Variants in ANKS1B observed in about 807,000 individuals in gnomAD.
The protein encoded by ANKS1B is ankyrin repeat and sterile alpha motif domain-containing protein 1B.
A neutral mutation model predicts 148.3 loss-of-function variants in ANKS1B; 36 were observed. The ratio of observed to expected loss-of-function variants is 0.24; its 90% CI spans 0.19 to 0.32. The LOEUF (loss-of-function observed/expected upper bound fraction) is 0.32, where lower values mean the gene tolerates loss of function less well. ANKS1B is among the 10% of genes least tolerant of loss of function. The pLI, the probability that ANKS1B is intolerant of heterozygous loss-of-function variation, is 1.00. For synonymous variants in ANKS1B, 542 were observed against 560.8 expected (o/e 0.97, Z 0.47); for missense variants, 1,157 against 1,542.6 (o/e 0.75, Z 4.19).
intron 9 of ANKS1B, among the ~76,000 whole-genome samples, chr12:99,545,965 G>A (rs2097169486): frequency 6.6e-6 from 1 of 151,966 alleles, no homozygotes; most frequent in South Asian, 2.1e-4. Flanking sequence ...CTCCTCCGTT[G>A]GAGAAGAACC....
At chr12:99,155,729 G>T (rs186864535) in intron 14 of ANKS1B, among the ~76,000 whole-genome samples, 25 of 152,294 alleles carry the variant, frequency 1.6e-4, no homozygotes, top group African/African-American at 5.8e-4. Context: ...GATTGGGAGA[G>T]AACTTGCAGA....
At chr12:98,816,512 G>A (rs374954872) in intron 19 of ANKS1B, among the ~76,000 whole-genome samples, 9 of 151,992 alleles carry the variant, frequency 5.9e-5, no homozygotes, top group Non-Finnish European at 1.2e-4. Flanking sequence ...GCCAGGTCTC[G>A]GACTCCTGGC....
intron 20 of ANKS1B, among the ~76,000 whole-genome samples, chr12:98,802,851 C>T (rs973756022): frequency 6.6e-6 from 1 of 151,694 alleles, no homozygotes; most frequent in African/African-American, 2.4e-5. Context: ...TCCTCCTATT[C>T]CCTGTCTGTT....
At chr12:98,999,304 T>C (rs1485657600) in intron 17 of ANKS1B, among the ~76,000 whole-genome samples, 1 of 152,224 alleles carries the variant, frequency 6.6e-6, no homozygotes, top group Non-Finnish European at 1.5e-5. Context: ...AGCTTGACCT[T>C]TGTATTCAAT....
chr12:99,319,808 ACAT>A (rs1566884302), intron 12 of ANKS1B, among the ~76,000 whole-genome samples: 1 of 152,186 alleles, frequency 6.6e-6, no homozygotes. Context: ...ACAATTTGGC[ACAT>A]TTTTGCAGTG....
At chr12:98,887,896 A>G (rs2099743724) in intron 17 of ANKS1B, among the ~76,000 whole-genome samples, 1 of 152,236 alleles carries the variant, frequency 6.6e-6, no homozygotes, top group African/African-American at 2.4e-5. Context: ...TACGGGCATG[A>G]TCCACCAATA....
At chr12:99,421,078 A>G (rs2724187) in intron 11 of ANKS1B, among the ~76,000 whole-genome samples, 3,824 of 152,300 alleles carry the variant, frequency 0.025, 72 homozygotes, top group Middle Eastern at 0.041. Context: ...TAATTGAGAT[A>G]ATGTAAATGA....
intron 9 of ANKS1B, among the ~76,000 whole-genome samples, chr12:99,651,725 T>C (rs1304075212): frequency 6.6e-6 from 1 of 152,096 alleles, no homozygotes; most frequent in African/African-American, 2.4e-5. Flanking sequence ...TCTAAAACAA[T>C]ACATATCCTG....
chr12:99,599,489 A>T (rs1254867355), intron 9 of ANKS1B, among the ~76,000 whole-genome samples: 1 of 152,094 alleles, frequency 6.6e-6, no homozygotes, highest in Non-Finnish European at 1.5e-5. Flanking sequence ...TTATATTGTG[A>T]TATTTGCCTG....
intron 17 of ANKS1B, among the ~76,000 whole-genome samples, chr12:98,850,789 G>A (rs60368884): frequency 0.027 from 242 of 8,932 alleles, no homozygotes; most frequent in South Asian, 0.13. Context: ...TTTTAAGATG[G>A]AAAAAAAAAA....
intron 8 of ANKS1B, among the ~76,000 whole-genome samples, chr12:99,677,848 C>T (rs553678363): frequency 3.0e-4 from 45 of 152,176 alleles, no homozygotes; most frequent in Non-Finnish European, 6.2e-4. Flanking sequence ...TGGCACGCGC[C>T]TGTAGTCCCA....
chr12:98,841,555 C>A (rs1252874780), intron 17 of ANKS1B, among the ~76,000 whole-genome samples: 4 of 152,260 alleles, frequency 2.6e-5, no homozygotes. Flanking sequence ...GGTAAAAAAT[C>A]TACCTAAAAC....
chr12:99,158,382 G>C (rs886877798), intron 14 of ANKS1B, among the ~76,000 whole-genome samples: 1 of 152,142 alleles, frequency 6.6e-6, no homozygotes, highest in African/African-American at 2.4e-5. Flanking sequence ...GTCCTAGGCA[G>C]TGTGGTGTGA....
chr12:99,676,072 TAGTG>T (rs1040035519), intron 8 of ANKS1B, among the ~76,000 whole-genome samples: 3 of 152,270 alleles, frequency 2.0e-5, no homozygotes, highest in South Asian at 4.1e-4. Context: ...TTTTTTGTGA[TAGTG>T]AGTGAGTTCT....
rs192679237 is a variant in ANKS1B at position 99,856,756 on chromosome 12, C to T, written c.135-31367G>A. 2.6e-5 allele frequency among the ~76,000 whole-genome samples: 4 copies of T among 152,186 alleles called. No homozygotes were observed. The East Asian group carries it at 7.7e-4, about 29-fold the overall frequency. On this transcript the variant is annotated intron_variant, in intron 1 of 26. Coordinates refer to ENST00000683438, the MANE Select transcript of ANKS1B (RefSeq NM_001352186.2). ...ATACAAGTAAAGAAATGTGACACAA[C>T]ACATAAACAGAATTAAAAACAAAAA... is the stretch of plus-strand genomic sequence containing the variant.
At chr12:99,063,294 C>T (rs895958626) in intron 16 of ANKS1B, among the ~76,000 whole-genome samples, 2 of 152,180 alleles carry the variant, frequency 1.3e-5, no homozygotes, top group African/African-American at 4.8e-5. Context: ...GTTCTAGACT[C>T]TTCTGCTCTG....
In ANKS1B at chr12:98,816,661, C is replaced by A. The variant is rs57502905; in HGVS notation, c.3067-8743G>T. On this transcript the variant is annotated intron_variant, in intron 19 of 26. Transcript: ENST00000683438. ...CCTATCTCCCTGTCACCCTGACATT[C>A]ATGCAAAAGTAGTTACTGGTCATCT... is the stretch of plus-strand genomic sequence containing the variant. Among the ~76,000 whole-genome samples the A allele has an allele frequency of 4.5e-3, 690 of 152,334 alleles. 4 individuals are homozygous for A. The highest frequency in any genetic ancestry group is 0.016 in the African/African-American group (678 of 41,586).
chr12:99,503,216 T>C (rs12305646), intron 10 of ANKS1B, among the ~76,000 whole-genome samples: 6,470 of 152,308 alleles, frequency 0.042, 420 homozygotes, highest in African/African-American at 0.14. Flanking sequence ...TGAGGTAGTG[T>C]CTGTAATAGG....
In ANKS1B at chr12:99,677,347, TTTG is replaced by T. The variant is rs200030896; in HGVS notation, c.1129-22140_1129-22138del. 4.8e-3 allele frequency among the ~76,000 whole-genome samples: 730 copies of T among 151,630 alleles called. 8 individuals are homozygous for T. Among genetic ancestry groups the T allele is most frequent in the African/African-American group, 0.017 (687 of 41,170 alleles). On this transcript the variant is annotated intron_variant, in intron 8 of 26. Coordinates refer to ENST00000683438, the MANE Select transcript of ANKS1B (RefSeq NM_001352186.2). ...TCCAAACTGTTTGTTTTTTTATTTT[TTTG>T]TTTTTTTTCCTTAAGGCTGCTCAAG...
Sources: gnomAD v4.1 joint callset for allele counts (sites outside exome capture counted in the v4.1 genomes callset) on GRCh38, gnomAD v4.1.1 for gene constraint, MANE v1.5 for transcripts, NCBI Gene and HGNC (gene_info 2026-07-23, HGNC 2026-07-21) for gene names.